ARHGEF10L: variants seen among roughly 807,000 people sequenced by gnomAD.
ARHGEF10L encodes the protein Rho guanine nucleotide exchange factor 10 like.
ARHGEF10L carries 69 observed loss-of-function variants against 141.2 expected under a neutral mutation model. The ratio of observed to expected loss-of-function variants is 0.49; its 90% CI spans 0.40 to 0.60. The LOEUF (loss-of-function observed/expected upper bound fraction) is 0.60. Among genes scored for constraint, ARHGEF10L ranks in the 20% least tolerant of loss-of-function variants. The pLI, the probability that ARHGEF10L is intolerant of heterozygous loss-of-function variation, is 0.00. For missense variants in ARHGEF10L, 1,482 were observed against 1,734.3 expected (o/e 0.85, Z 2.58); for synonymous variants, 711 against 718.5 (o/e 0.99, Z 0.17).
chr1:17,618,253 G>GGCCA, intron 9 of ARHGEF10L: 1 of 1,356,216 alleles, frequency 7.4e-7, no homozygotes. Flanking sequence ...GCTCTCCTCA[G>GGCCA]CCCTCCCCAC....
At position 17,627,455 on chromosome 1, in the gene ARHGEF10L, G is replaced by A; in HGVS notation, c.1536G>A (p.Glu512=). The A allele has an allele frequency of 1.2e-6, 2 of 1,613,224 alleles. No homozygotes were observed. Among genetic ancestry groups the A allele is most frequent in the Non-Finnish European group, 1.7e-6 (2 of 1,180,018 alleles). Residue 512 remains glutamate (E), a synonymous_variant, in exon 15 of 29, where the codon GAG becomes GAA. Coordinates refer to ENST00000361221, the MANE Select transcript of ARHGEF10L (RefSeq NM_018125.4). This position sits in a 1 kb window ranked among gnomAD's most constrained non-coding sequence, Gnocchi z 4.0. ...EQKRLADQVA[E]IQQLTKSVSD... ...AGCGGCTGGCTGACCAGGTGGCTGA[G>A]ATCCAGCAGCTGACCAAGAGCGTCA... is the stretch of plus-strand genomic sequence containing the variant.
chr1:17,638,057 C>A, intron 19 of ARHGEF10L, 54 bp downstream of exon 19: 1 of 1,493,306 alleles, frequency 6.7e-7, no homozygotes, highest in South Asian at 1.2e-5. Context: ...TGGGCAGTGC[C>A]TGGATTCAGA....
chr1:17,580,127 G>A (rs2078422635), intron 1 of ARHGEF10L, among the ~76,000 whole-genome samples: 1 of 152,214 alleles, frequency 6.6e-6, no homozygotes. Context: ...CAGACCTAAG[G>A]GAGCCCATGC....
At position 17,656,278 on chromosome 1, in the gene ARHGEF10L, C is replaced by T. The variant is rs1209394410; in HGVS notation, c.2705+176C>T. On this transcript the variant is annotated intron_variant, in intron 24 of 28. Transcript: ENST00000361221. The surrounding 1 kb of genome is among the most constrained non-coding windows in gnomAD (Gnocchi z 4.9). ...TGGGAGCCAAAGTGTCGGGAGCGGCCTGCAGTGCAGTTGCCTGGCTCCTCC... is the reference window on the plus strand; with the variant it reads ...TGGGAGCCAAAGTGTCGGGAGCGGCTTGCAGTGCAGTTGCCTGGCTCCTCC... Among the ~76,000 whole-genome samples, 1 of 152,216 alleles carries T rather than the reference C, an allele frequency of 6.6e-6. No individual in the cohort carries two copies. Among genetic ancestry groups the T allele is most frequent in the Non-Finnish European group, 1.5e-5 (1 of 68,020 alleles).
intron 1 of ARHGEF10L, among the ~76,000 whole-genome samples, chr1:17,557,591 A>G (rs965851946): frequency 6.6e-6 from 1 of 152,196 alleles, no homozygotes; most frequent in African/African-American, 2.4e-5. Context: ...GAAGCAGCAG[A>G]TCTCGGCTGG....
chr1:17,677,104 G>A (rs774134771), intron 26 of ARHGEF10L, among the ~76,000 whole-genome samples: 7 of 152,152 alleles, frequency 4.6e-5, no homozygotes, highest in Admixed American at 2.6e-4. Context: ...AAAGGAGATG[G>A]GCAGAGGCAG....
In ARHGEF10L at chr1:17,648,675, G is replaced by A; in HGVS notation, c.2394G>A (p.Gln798=). 1 of 1,612,428 alleles carries A rather than the reference G, an allele frequency of 6.2e-7. No individual in the cohort carries two copies. Among genetic ancestry groups the A allele is most frequent in the Non-Finnish European group, 8.5e-7 (1 of 1,179,924 alleles). The change falls in exon 22 of 29, where the codon CAG becomes CAA. Residue 798 remains glutamine, a splice_region_variant and synonymous_variant. Coordinates refer to ENST00000361221, the MANE Select transcript of ARHGEF10L (RefSeq NM_018125.4). ...TCTCCTCCCGGGCACTCAGCCTGCA[G>A]GTGAGTGGAGCGGATCTTGCTGAGC... ...PAFSSRALSL[Q]LGALVHSPVN... is the part of the protein sequence containing the mutation.
rs1391371160 is a variant in ARHGEF10L, at chr1:17,696,966, G to A, written c.3426G>A (p.Arg1142=). 2 of 1,612,558 alleles carry A rather than the reference G, an allele frequency of 1.2e-6. No individual in the cohort carries two copies. Among genetic ancestry groups the A allele is most frequent in the Middle Eastern group, 3.3e-4 (2 of 6,052 alleles). ...ACCAGGAGGAGGCTGAGGGGCCCCG[G>A]GCTGAGGAGGACAAGCCAGACGGGC... ...RSDQEEAEGP[R]AEEDKPDGQA... is the part of the protein sequence containing the mutation. The change falls in exon 29 of 29, where the codon CGG becomes CGA. Residue 1142 remains arginine, a synonymous_variant. Transcript: ENST00000361221.
chr1:17,554,150 A>C (rs2077215709), intron 1 of ARHGEF10L, among the ~76,000 whole-genome samples: 1 of 152,188 alleles, frequency 6.6e-6, no homozygotes, highest in Non-Finnish European at 1.5e-5. Flanking sequence ...CCCTAGATGC[A>C]AAAATCCACC....
At position 17,673,228 on chromosome 1, in the gene ARHGEF10L, G is replaced by A. The variant is rs2063435848; in HGVS notation, c.3009+8633G>A. On this transcript the variant is annotated intron_variant, in intron 26 of 28. Coordinates refer to ENST00000361221, the MANE Select transcript of ARHGEF10L (RefSeq NM_018125.4). The surrounding 1 kb of genome is among the most constrained non-coding windows in gnomAD (Gnocchi z 4.1). ...GAGCTGGCACGGCAGGGGCAGTCCTGTCCTTGTGAGCCACCCCCCAGTCTT... is the reference window on the plus strand; with the variant it reads ...GAGCTGGCACGGCAGGGGCAGTCCTATCCTTGTGAGCCACCCCCCAGTCTT... 6.6e-6 allele frequency among the ~76,000 whole-genome samples: 1 copy of A among 152,102 alleles called. No homozygotes were observed. The highest frequency in any genetic ancestry group is 6.5e-5 in the Admixed American group (1 of 15,284).
At chr1:17,682,862 A>G (rs2064233464) in intron 26 of ARHGEF10L, among the ~76,000 whole-genome samples, 1 of 152,122 alleles carries the variant, frequency 6.6e-6, no homozygotes, top group Admixed American at 6.5e-5. Flanking sequence ...ATGAGGGCAC[A>G]GGTCTGGAGG....
chr1:17,662,616 G>A (rs551328053), intron 25 of ARHGEF10L, among the ~76,000 whole-genome samples: 18 of 150,432 alleles, frequency 1.2e-4, no homozygotes, highest in African/African-American at 4.1e-4. Flanking sequence ...AGGGGAACCT[G>A]TTTTATAGAT....
intron 2 of ARHGEF10L, among the ~76,000 whole-genome samples, chr1:17,586,045 G>A (rs1040505150): frequency 1.5e-4 from 23 of 152,196 alleles, no homozygotes; most frequent in African/African-American, 5.3e-4. Flanking sequence ...GGTTGTCACA[G>A]CTGGAGGGTC....
intron 1 of ARHGEF10L, among the ~76,000 whole-genome samples, chr1:17,544,386 G>A (rs985703148): frequency 6.6e-6 from 1 of 151,410 alleles, no homozygotes; most frequent in Non-Finnish European, 1.5e-5. Flanking sequence ...TGCCTCCCAC[G>A]CACGTTCAAG....
rs925781904 is a variant in ARHGEF10L, at chr1:17,686,594, CG to C, written c.3010-972del. ...CTTCAGATGTTGGAGGAGGACAGTT[CG>C]GGGGGGCAGTGCGTGCTGTGTGCAA... On this transcript the variant is annotated intron_variant, in intron 26 of 28. Transcript: ENST00000361221. 2.6e-5 allele frequency among the ~76,000 whole-genome samples: 4 copies of C among 151,810 alleles called. 1 individual carries two copies. The highest frequency in any genetic ancestry group is 1.3e-4 in the Admixed American group (2 of 15,272).
chr1:17,586,228 A>G (rs188187203), intron 2 of ARHGEF10L, among the ~76,000 whole-genome samples: 42 of 152,326 alleles, frequency 2.8e-4, no homozygotes, highest in Non-Finnish European at 6.0e-4. Flanking sequence ...CTTATGGGGA[A>G]AGTGCTGTTT....
intron 9 of ARHGEF10L, 56 bp downstream of exon 9, chr1:17,616,258 GAGGGT>G: frequency 1.1e-5 from 10 of 926,528 alleles, no homozygotes; most frequent in Non-Finnish European, 1.5e-5. Flanking sequence ...GGGGGTCGGG[GAGGGT>G]GGGATTTTGC....
intron 21 of ARHGEF10L, among the ~76,000 whole-genome samples, chr1:17,641,745 G>A (rs1429888113): frequency 1.3e-5 from 2 of 151,954 alleles, no homozygotes; most frequent in Non-Finnish European, 2.9e-5. Context: ...TTGGGAGGCC[G>A]AGGCGGGCAG....
At chr1:17,653,112 T>C (rs916061509) in intron 22 of ARHGEF10L, among the ~76,000 whole-genome samples, 8 of 152,088 alleles carry the variant, frequency 5.3e-5, no homozygotes, top group African/African-American at 1.9e-4. Flanking sequence ...CTGGGCCGGG[T>C]GCTTTACACT....
Sources: gnomAD v4.1 joint callset for allele counts (sites outside exome capture counted in the v4.1 genomes callset) on GRCh38, gnomAD v4.1.1 for gene constraint, Gnocchi (gnomAD v3.1) non-coding constraint, MANE v1.5 for transcripts, NCBI Gene and HGNC (gene_info 2026-07-23, HGNC 2026-07-21) for gene names.